The following LPP variants were observed in gnomAD, a reference collection of about 807,000 sequenced individuals.
LPP encodes LIM domain containing preferred translocation partner in lipoma.
LPP carries 38 observed loss-of-function variants against 60.4 expected under a neutral mutation model. That is an observed-to-expected ratio of 0.63 (90% CI 0.49 to 0.83). LPP has a LOEUF of 0.83. LPP is among the 40% of genes least tolerant of loss of function. The pLI is 0.00. For synonymous variants in LPP, 328 were observed against 290.8 expected (o/e 1.13, Z -1.30); for missense variants, 902 against 783.6 (o/e 1.15, Z -1.80).
intron 6 of LPP, among the ~76,000 whole-genome samples, chr3:188,606,092 A>G (rs1303827642): frequency 4.6e-5 from 7 of 152,178 alleles, no homozygotes; most frequent in Admixed American, 2.6e-4. Context: ...CTGATTGTGA[A>G]GTTCCGAGCT....
At chr3:188,636,029 A>T (rs574214387) in intron 7 of LPP, among the ~76,000 whole-genome samples, 75 of 152,346 alleles carry the variant, frequency 4.9e-4, no homozygotes, top group Non-Finnish European at 8.2e-4. Flanking sequence ...TCCCTGGATT[A>T]TGTTTAAGAA....
chr3:188,802,835 A>G (rs1426805797), intron 9 of LPP, among the ~76,000 whole-genome samples: 7 of 152,072 alleles, frequency 4.6e-5, no homozygotes, highest in Admixed American at 2.6e-4. Flanking sequence ...ATAAATTTAC[A>G]TATCATAAAA....
intron 3 of LPP, among the ~76,000 whole-genome samples, chr3:188,380,572 G>A (rs1178184901): frequency 6.6e-6 from 1 of 152,230 alleles, no homozygotes; most frequent in Non-Finnish European, 1.5e-5. Flanking sequence ...ATCTCTTGTA[G>A]CCAAGAGAAA....
chr3:188,598,070 A>G (rs1167504318), intron 6 of LPP, among the ~76,000 whole-genome samples: 2 of 152,170 alleles, frequency 1.3e-5, no homozygotes, highest in Non-Finnish European at 2.9e-5. Flanking sequence ...TGAAATCTGA[A>G]GGATGAATAA....
rs1419195452 is a variant in LPP, at chr3:188,224,589, T to G, written c.-189-816T>G. Among the ~76,000 whole-genome samples the G allele has an allele frequency of 2.0e-5, 3 of 152,282 alleles. No homozygotes were observed. In the South Asian group the frequency reaches 6.2e-4, roughly 32 times the overall value. ...AAAGAAGGTGTAATTGGGTCATGGT[T>G]CTGCAGTCTGTATAAGCATGGCACT... On this transcript the variant is annotated intron_variant, in intron 1 of 11. Transcript: ENST00000617246.
rs548830155 is a variant in LPP at position 188,673,501 on chromosome 3, C to G, written c.1114-34766C>G. ...AATACTTCCCCATTTTAATTAGTAC[C>G]AACATCAATCATAATTAGGCTCATG... On this transcript the variant is annotated intron_variant, in intron 7 of 11. Coordinates refer to ENST00000617246, the MANE Select transcript of LPP (RefSeq NM_001375462.1). 5.5e-4 allele frequency among the ~76,000 whole-genome samples: 83 copies of G among 152,170 alleles called. No individual in the cohort carries two copies. In the South Asian group the frequency reaches 0.011, roughly 20 times the overall value.
intron 6 of LPP, among the ~76,000 whole-genome samples, chr3:188,534,541 AC>A (rs1481121816): frequency 6.6e-6 from 1 of 151,960 alleles, no homozygotes; most frequent in East Asian, 1.9e-4. Flanking sequence ...TTAGTATGAA[AC>A]CCCATAGTTC....
intron 7 of LPP, among the ~76,000 whole-genome samples, chr3:188,668,624 T>G (rs1311174836): frequency 6.6e-6 from 1 of 152,224 alleles, no homozygotes; most frequent in African/African-American, 2.4e-5. Flanking sequence ...ATCCTCAGGC[T>G]TCTCTGATGC....
intron 6 of LPP, among the ~76,000 whole-genome samples, chr3:188,579,647 C>T (rs969510314): frequency 1.1e-4 from 8 of 73,728 alleles, no homozygotes; most frequent in African/African-American, 4.2e-4. Flanking sequence ...AATTCTAAAT[C>T]TCGCTTTTTT....
chr3:188,509,680 T>C (rs1579478177), intron 5 of LPP, among the ~76,000 whole-genome samples: 1 of 19,400 alleles, frequency 5.2e-5, no homozygotes, highest in Admixed American at 3.6e-4. Flanking sequence ...CTTCCTTCCT[T>C]CCTTCCTCTC....
chr3:188,356,314 T>G (rs1353720799), intron 3 of LPP, among the ~76,000 whole-genome samples: 2 of 152,156 alleles, frequency 1.3e-5, no homozygotes, highest in Non-Finnish European at 2.9e-5. Flanking sequence ...ACTCACTAGT[T>G]CGTGGATCAC....
chr3:188,357,625 G>A (rs1318511127), intron 3 of LPP, among the ~76,000 whole-genome samples: 1 of 152,102 alleles, frequency 6.6e-6, no homozygotes, highest in Non-Finnish European at 1.5e-5. Flanking sequence ...ATTCTGGAGT[G>A]GTTCCTTGTT....
At chr3:188,847,493 G>T (rs1021669087) in intron 9 of LPP, among the ~76,000 whole-genome samples, 1 of 152,250 alleles carries the variant, frequency 6.6e-6, no homozygotes, top group African/African-American at 2.4e-5. Context: ...AGATGACAGT[G>T]TATTCAATGT....
intron 7 of LPP, among the ~76,000 whole-genome samples, chr3:188,669,298 C>T (rs148162054): frequency 1.2e-4 from 18 of 152,172 alleles, no homozygotes; most frequent in Middle Eastern, 3.4e-3. Flanking sequence ...AAGTCAGGGC[C>T]GGGCATGATG....
At chr3:188,300,233 A>G (rs567042412) in intron 2 of LPP, among the ~76,000 whole-genome samples, 1 of 151,802 alleles carries the variant, frequency 6.6e-6, no homozygotes, top group African/African-American at 2.4e-5. Context: ...GTGTTTGTGT[A>G]TATCTATGTG....
intron 4 of LPP, among the ~76,000 whole-genome samples, chr3:188,429,969 AT>A (rs1338100879): frequency 6.6e-6 from 1 of 152,198 alleles, no homozygotes; most frequent in Non-Finnish European, 1.5e-5. Context: ...ACATTAAAAA[AT>A]GTGTGTATTT....
At chr3:188,818,542 C>A (rs1183176898) in intron 9 of LPP, among the ~76,000 whole-genome samples, 3 of 152,086 alleles carry the variant, frequency 2.0e-5, no homozygotes, top group Admixed American at 6.6e-5. Flanking sequence ...TAAGGCCCTG[C>A]AAAAATATAA....
chr3:188,775,071 T>A (rs1560188082), intron 9 of LPP, among the ~76,000 whole-genome samples: 1 of 151,230 alleles, frequency 6.6e-6, no homozygotes, highest in East Asian at 1.9e-4. Flanking sequence ...TTTTTTTTTT[T>A]AGACAGAGTC....
chr3:188,585,906 G>A (rs1242986466), intron 6 of LPP, among the ~76,000 whole-genome samples: 1 of 152,162 alleles, frequency 6.6e-6, no homozygotes, highest in Non-Finnish European at 1.5e-5. Flanking sequence ...CTGTTTTACA[G>A]GCTGTGCATC....
Sources: allele counts gnomAD v4.1 joint callset (sites outside exome capture counted in the v4.1 genomes callset), GRCh38; gene constraint gnomAD v4.1.1; transcripts MANE v1.5; gene names NCBI Gene and HGNC (gene_info 2026-07-23, HGNC 2026-07-21).